The following TMEM70 variants were observed in gnomAD, a reference collection of about 807,000 sequenced individuals.
TMEM70 encodes the protein transmembrane protein 70, mitochondrial.
A neutral mutation model predicts 20.5 loss-of-function variants in TMEM70; 15 were observed. That is an observed-to-expected ratio of 0.73 (90% CI 0.49 to 1.13). The LOEUF (loss-of-function observed/expected upper bound fraction) is 1.13. Ranked by LOEUF, TMEM70 falls within the 50% of genes most tolerant of loss-of-function variation. The pLI is 0.00. For missense variants in TMEM70, 344 were observed against 331.7 expected, an observed-to-expected ratio of 1.04 and a Z score of -0.29; for synonymous variants, 141 against 134.2, an observed-to-expected ratio of 1.05 and a Z score of -0.35.
chr8:73,982,342 G>C lies in TMEM70; in HGVS notation c.*721G>C, dbSNP rs747952573. 1.4e-6 allele frequency: 1 copy of C among 702,256 alleles called. No homozygotes were observed. The highest frequency in any genetic ancestry group is 2.6e-6 in the Non-Finnish European group (1 of 389,120). 43.5% of individuals were successfully genotyped at this position (702,256 alleles called of 1,614,324 possible). A position where few individuals can be genotyped will look rare whatever the true frequency, so the allele number is the denominator to read the frequency against. Reference sequence around the variant, plus strand: ...GAAAAACTTACGGTGAAGGTTCTAAGGCATGGGATCGTTTCCAGATGAGAA... The same window carrying C: ...GAAAAACTTACGGTGAAGGTTCTAACGCATGGGATCGTTTCCAGATGAGAA... On this transcript the variant is annotated 3_prime_UTR_variant, in exon 3 of 3. Transcript: ENST00000312184.
chr8:73,977,478 G>A (rs906735317), intron 1 of TMEM70, among the ~76,000 whole-genome samples: 4 of 152,138 alleles, frequency 2.6e-5, no homozygotes, highest in African/African-American at 9.7e-5. Flanking sequence ...GTGAGCCGCT[G>A]TGCCCAGCCA....
chr8:73,980,089 T>A (rs921224151), intron 2 of TMEM70, among the ~76,000 whole-genome samples: 1 of 152,104 alleles, frequency 6.6e-6, no homozygotes, highest in Non-Finnish European at 1.5e-5. Context: ...TTTTGTATTT[T>A]TTATTATTTA....
rs1271320156 is a variant in TMEM70 at position 73,976,338 on chromosome 8, G to C, written c.57G>C (p.Arg19Ser). The C allele has an allele frequency of 1.9e-6, 3 of 1,600,518 alleles. No homozygotes were observed. The African/African-American group carries it at 4.0e-5, about 21-fold the overall frequency. The change falls in exon 1 of 3, where the codon AGG becomes AGC. Residue 19 changes from arginine (R) to serine (S), a missense_variant. Arg to Ser is a moderately radical substitution (Grantham distance 110). Transcript: ENST00000312184. ...PWAVELPLCG[R>S]RTALCAAAAL... is the part of the protein sequence containing the mutation. ...CGGTCGAACTGCCTCTCTGCGGAAG[G>C]AGGACTGCATTGTGTGCGGCCGCCG...
chr8:73,981,872 T>C lies in TMEM70; in HGVS notation c.*251T>C, dbSNP rs1193292103. ...TTCATGCTAGTATAAGAGTTCTGTG[T>C]TACTGTGGTTGACTCTAAACTGGGG... is the stretch of plus-strand genomic sequence containing the variant. On this transcript the variant is annotated 3_prime_UTR_variant, in exon 3 of 3. Transcript: ENST00000312184. The C allele has an allele frequency of 1.7e-6, 1 of 590,080 alleles. No homozygotes were observed. The highest frequency in any genetic ancestry group is 1.8e-5 in the African/African-American group (1 of 54,812). The allele number at this position is 590,080 out of a possible 1,614,324, so 36.6% of individuals were successfully genotyped here.
At position 73,981,335 on chromosome 8, in the gene TMEM70, A is replaced by T. The variant is rs1385467886; in HGVS notation, c.497A>T (p.Tyr166Phe). 1 of 1,614,178 alleles carries T rather than the reference A, an allele frequency of 6.2e-7. No individual in the cohort carries two copies. Among genetic ancestry groups the T allele is most frequent in the East Asian group, 2.2e-5 (1 of 44,880 alleles). The change falls in exon 3 of 3, where the codon TAT becomes TTT. Residue 166 changes from tyrosine to phenylalanine, a missense_variant. By Grantham distance (22) the Tyr-to-Phe change is conservative. Transcript: ENST00000312184. ...CTGCTTCACTTTATTACAAAAGGCT[A>T]TGTCATTCGATTGTACCATGAGGCC... ...PVLLHFITKG[Y>F]VIRLYHEATT...
intron 1 of TMEM70, among the ~76,000 whole-genome samples, chr8:73,977,786 C>T (rs1313726566): frequency 6.6e-6 from 1 of 152,088 alleles, no homozygotes; most frequent in African/African-American, 2.4e-5. Context: ...AGACGTGTTC[C>T]ATTACACCAG....
chr8:73,978,358 A>AGCAAGACTC (rs1222800084), intron 1 of TMEM70, among the ~76,000 whole-genome samples: 3 of 144,078 alleles, frequency 2.1e-5, no homozygotes, highest in African/African-American at 7.5e-5. Context: ...AAGTGCTGGG[A>AGCAAGACTC]TTACAGGCAT....
At chr8:73,978,957 T>A in intron 2 of TMEM70, 96 bp downstream of exon 2, 2 of 1,441,598 alleles carry the variant, frequency 1.4e-6, no homozygotes, top group Non-Finnish European at 1.9e-6. Context: ...TGGCATCCCT[T>A]AATTACAAGA....
At position 73,982,192 on chromosome 8, in the gene TMEM70, C is replaced by G. The variant is rs562758353; in HGVS notation, c.*571C>G. The G allele has an allele frequency of 5.4e-6, 3 of 553,104 alleles. No individual in the cohort carries two copies. The highest frequency in any genetic ancestry group is 1.1e-5 in the Non-Finnish European group (3 of 282,172). 34.3% of individuals were successfully genotyped at this position (553,104 alleles called of 1,614,324 possible). On this transcript the variant is annotated 3_prime_UTR_variant, in exon 3 of 3. Transcript: ENST00000312184. ...GTGGCAATTCACCGAATTCATATCA[C>G]TCTAACGAGTTGCAACGTAAAATCC...
At chr8:73,978,621 C>T in intron 1 of TMEM70, 135 bp from the exon 2 acceptor site, 1 of 838,480 alleles carries the variant, frequency 1.2e-6, no homozygotes, top group Non-Finnish European at 1.9e-6. Context: ...ACCCGGGAAG[C>T]AGAGGTTGCA....
chr8:73,982,167 G>T lies in TMEM70; in HGVS notation c.*546G>T, dbSNP rs1586637711. On this transcript the variant is annotated 3_prime_UTR_variant, in exon 3 of 3. Coordinates refer to ENST00000312184, the MANE Select transcript of TMEM70 (RefSeq NM_017866.6). Reference sequence around the variant, plus strand: ...CAGAAAAACACCCGTGGAGTCAGAGGTGGCAATTCACCGAATTCATATCAC... The same window carrying T: ...CAGAAAAACACCCGTGGAGTCAGAGTTGGCAATTCACCGAATTCATATCAC... 3.7e-6 allele frequency: 2 copies of T among 540,410 alleles called. No homozygotes were observed. The allele number at this position is 540,410 out of a possible 1,614,324, so 33.5% of individuals were successfully genotyped here. A position where few individuals can be genotyped will look rare whatever the true frequency, so the allele number is the denominator to read the frequency against.
At position 73,982,346 on chromosome 8, in the gene TMEM70, TG is replaced by T; in HGVS notation, c.*728del. ...AACTTACGGTGAAGGTTCTAAGGCA[TG>T]GGATCGTTTCCAGATGAGAATCCAC... On this transcript the variant is annotated 3_prime_UTR_variant, in exon 3 of 3. Coordinates refer to ENST00000312184, the MANE Select transcript of TMEM70 (RefSeq NM_017866.6). 1 of 706,194 alleles carries T rather than the reference TG, an allele frequency of 1.4e-6. No homozygotes were observed. Among genetic ancestry groups the T allele is most frequent in the Non-Finnish European group, 2.6e-6 (1 of 391,726 alleles). 43.7% of individuals were successfully genotyped at this position (706,194 alleles called of 1,614,324 possible). A position where few individuals can be genotyped will look rare whatever the true frequency, so the allele number is the denominator to read the frequency against.
chr8:73,980,959 A>G (rs1815776594), intron 2 of TMEM70, among the ~76,000 whole-genome samples, 196 bp from the exon 3 acceptor site: 1 of 152,252 alleles, frequency 6.6e-6, no homozygotes, highest in Non-Finnish European at 1.5e-5. Flanking sequence ...TCTAATGGTC[A>G]GTAGCAGGGA....
intron 2 of TMEM70, among the ~76,000 whole-genome samples, chr8:73,979,864 C>G (rs1815746379): frequency 6.6e-6 from 1 of 151,978 alleles, no homozygotes; most frequent in Non-Finnish European, 1.5e-5. Context: ...TAACTCATTA[C>G]CATCAGACCA....
chr8:73,982,771 C>A lies in TMEM70; in HGVS notation c.*1150C>A. ...GTGTAGGAAAACCACTGTTATTAAACAGGTGAAAAATACCTTGTGTAAAAT... is the reference window on the plus strand; with the variant it reads ...GTGTAGGAAAACCACTGTTATTAAAAAGGTGAAAAATACCTTGTGTAAAAT... On this transcript the variant is annotated 3_prime_UTR_variant, in exon 3 of 3. Transcript: ENST00000312184. 2.2e-6 allele frequency: 1 copy of A among 451,184 alleles called. No homozygotes were observed. The highest frequency in any genetic ancestry group is 4.4e-6 in the Non-Finnish European group (1 of 225,256). 27.9% of individuals were successfully genotyped at this position (451,184 alleles called of 1,614,324 possible).
At chr8:73,976,667 A>G (rs914122929) in intron 1 of TMEM70, among the ~76,000 whole-genome samples, 176 bp downstream of exon 1, 2 of 152,250 alleles carry the variant, frequency 1.3e-5, no homozygotes, top group African/African-American at 2.4e-5. Flanking sequence ...CGGGGTCCTC[A>G]GCCTCCGCGA....
intron 1 of TMEM70, among the ~76,000 whole-genome samples, chr8:73,978,344 C>T (rs547433405): frequency 5.3e-5 from 8 of 150,980 alleles, no homozygotes; most frequent in African/African-American, 1.9e-4. Context: ...CCCTCGGCCT[C>T]CCAAAGTGCT....
In TMEM70 at chr8:73,981,343, C is replaced by T. The variant is rs980904190; in HGVS notation, c.505C>T (p.Arg169Ter). Residue 169 changes from arginine (R) to a stop codon, truncating the protein, a stop_gained, in exon 3 of 3, where the codon CGA (arginine) becomes TGA (stop). Coordinates refer to ENST00000312184, the MANE Select transcript of TMEM70 (RefSeq NM_017866.6). LOFTEE classifies it high-confidence loss of function. Reference sequence around the variant, plus strand: ...CTTTATTACAAAAGGCTATGTCATTCGATTGTACCATGAGGCCACAACAGA... The same window carrying T: ...CTTTATTACAAAAGGCTATGTCATTTGATTGTACCATGAGGCCACAACAGA... ...LHFITKGYVI[R>*]LYHEATTDTY... The T allele has an allele frequency of 1.2e-5, 20 of 1,614,026 alleles. No homozygotes were observed. Among genetic ancestry groups the T allele is most frequent in the African/African-American group, 2.7e-5 (2 of 74,910 alleles).
intron 2 of TMEM70, 29 bp downstream of exon 2, chr8:73,978,890 T>TCTTTTAA (rs1815719902): frequency 6.2e-7 from 1 of 1,612,124 alleles, no homozygotes; most frequent in African/African-American, 1.3e-5. Flanking sequence ...GTGTACTTAC[T>TCTTTTAA]TTGTTTTTTT....
Sources: gnomAD v4.1 joint callset for allele counts (sites outside exome capture counted in the v4.1 genomes callset) on GRCh38, gnomAD v4.1.1 for gene constraint, MANE v1.5 for transcripts, NCBI Gene and HGNC (gene_info 2026-07-23, HGNC 2026-07-21) for gene names.